The following DPH7 variants were observed in gnomAD, a reference collection of about 807,000 sequenced individuals.
DPH7 encodes the protein diphthine methyltransferase.
In DPH7, 44 loss-of-function variants were observed where a neutral mutation model predicts 41.7. That is an observed-to-expected ratio of 1.05 (90% CI 0.83 to 1.36). DPH7 has a LOEUF of 1.36. DPH7 is among the 40% of genes most tolerant of loss of function. The pLI is 0.00. For synonymous variants in DPH7, 275 were observed against 238.0 expected (o/e 1.16, Z -1.43); for missense variants, 629 against 577.5 (o/e 1.09, Z -0.91).
At chr9:137,574,128 G>A in intron 5 of DPH7, 80 bp downstream of exon 5, 2 of 1,432,274 alleles carry the variant, frequency 1.4e-6, no homozygotes, top group Non-Finnish European at 9.6e-7. Flanking sequence ...AATCACAGCT[G>A]TGGCACAGGC....
chr9:137,578,486 G>T, intron 1 of DPH7, 139 bp downstream of exon 1: 1 of 1,075,762 alleles, frequency 9.3e-7, no homozygotes, highest in Non-Finnish European at 1.2e-6. Flanking sequence ...TTTTTAAAAA[G>T]ATTCTAAACT....
intron 4 of DPH7, 29 bp downstream of exon 4, chr9:137,574,723 C>T: frequency 6.2e-7 from 1 of 1,606,782 alleles, no homozygotes; most frequent in Non-Finnish European, 8.5e-7. Flanking sequence ...GAGAAAGACT[C>T]AGGACCCCTG....
At chr9:137,564,806 G>T in intron 7 of DPH7, 87 bp downstream of exon 7, 1 of 1,483,548 alleles carries the variant, frequency 6.7e-7, no homozygotes, top group Non-Finnish European at 9.2e-7. Flanking sequence ...CAGGAGGAAA[G>T]GCAGCGAAAG....
rs1342298972 is a variant in DPH7, at chr9:137,556,920, G to A, written c.950-1272C>T. 2.2e-6 allele frequency: 1 copy of A among 455,930 alleles called. No individual in the cohort carries two copies. The highest frequency in any genetic ancestry group is 2.0e-5 in the African/African-American group (1 of 49,980). 28.2% of individuals were successfully genotyped at this position (455,930 alleles called of 1,614,324 possible). On this transcript the variant is annotated intron_variant, in intron 8 of 8. Transcript: ENST00000277540. This position sits in a 1 kb window ranked among gnomAD's most constrained non-coding sequence, Gnocchi z 5.2. ...AAGACACTGTTGCGACCCCAAGAAT[G>A]GGAGGCCCTTTCTGATTAGCCACAG... is the stretch of plus-strand genomic sequence containing the variant.
chr9:137,555,069 G>A lies in DPH7; in HGVS notation c.*170C>T. ...CCAGTCCACTTTCAGGGGCCCAGCA[G>A]GGAAGCTGATTTAAGAGAAGTCAAC... On this transcript the variant is annotated 3_prime_UTR_variant, in exon 9 of 9. Coordinates refer to ENST00000277540, the MANE Select transcript of DPH7 (RefSeq NM_138778.5). 1.3e-6 allele frequency: 1 copy of A among 779,622 alleles called. No homozygotes were observed. The highest frequency in any genetic ancestry group is 1.9e-6 in the Non-Finnish European group (1 of 538,762). The allele number at this position is 779,622 out of a possible 1,614,324, so 48.3% of individuals were successfully genotyped here.
At chr9:137,565,181 A>C in intron 5 of DPH7, 27 bp from the exon 6 acceptor site, 1 of 1,610,786 alleles carries the variant, frequency 6.2e-7, no homozygotes, top group Non-Finnish European at 8.5e-7. Context: ...AAGCATCAAC[A>C]CCACTAATGA....
intron 8 of DPH7, 85 bp downstream of exon 8, chr9:137,564,349 G>A: frequency 3.4e-6 from 5 of 1,490,508 alleles, no homozygotes; most frequent in Non-Finnish European, 4.5e-6. Flanking sequence ...AGGGAGCAGG[G>A]AGCTGAGGGA....
intron 8 of DPH7, 48 bp downstream of exon 8, chr9:137,564,386 G>A (rs1839173186): frequency 4.4e-6 from 7 of 1,580,776 alleles, no homozygotes; most frequent in Non-Finnish European, 6.0e-6. Flanking sequence ...AGGGGGCAGG[G>A]AACTGGTGCC....
Position 137,554,992 on chromosome 9 carries a change from T to A in DPH7, c.*247A>T. 1 of 408,734 alleles carries A rather than the reference T, an allele frequency of 2.4e-6. No individual in the cohort carries two copies. 25.3% of individuals were successfully genotyped at this position (408,734 alleles called of 1,614,324 possible). On this transcript the variant is annotated 3_prime_UTR_variant, in exon 9 of 9. Transcript: ENST00000277540. Reference sequence around the variant, plus strand: ...AAATCTGCCTGAGAAACTTAACAAATCTGCAAGCTGGAAACCGCGTCTTTT... The same window carrying A: ...AAATCTGCCTGAGAAACTTAACAAAACTGCAAGCTGGAAACCGCGTCTTTT...
At position 137,555,043 on chromosome 9, in the gene DPH7, C is replaced by T. The variant is rs1389963671; in HGVS notation, c.*196G>A. 9 of 577,646 alleles carry T rather than the reference C, an allele frequency of 1.6e-5. No homozygotes were observed. The highest frequency in any genetic ancestry group is 2.2e-5 in the Non-Finnish European group (8 of 366,588). The allele number at this position is 577,646 out of a possible 1,614,324, so 35.8% of individuals were successfully genotyped here. On this transcript the variant is annotated 3_prime_UTR_variant, in exon 9 of 9. Coordinates refer to ENST00000277540, the MANE Select transcript of DPH7 (RefSeq NM_138778.5). ...CCCCACTCTCTGCCAGACAGAATCA[C>T]CCAGTCCACTTTCAGGGGCCCAGCA...
intron 8 of DPH7, among the ~76,000 whole-genome samples, chr9:137,562,849 C>T (rs1262173711): frequency 1.3e-5 from 2 of 152,188 alleles, no homozygotes; most frequent in African/African-American, 4.8e-5. Flanking sequence ...AGCCTGTGAT[C>T]CCAGCTACTC....
chr9:137,563,187 A>G (rs1402428445), intron 8 of DPH7, among the ~76,000 whole-genome samples: 1 of 151,980 alleles, frequency 6.6e-6, no homozygotes, highest in South Asian at 2.1e-4. Flanking sequence ...GCACATTCAC[A>G]GAACTAACAG....
chr9:137,556,875 G>A lies in DPH7; in HGVS notation c.950-1227C>T, dbSNP rs558930017. On this transcript the variant is annotated intron_variant, in intron 8 of 8. Transcript: ENST00000277540. The surrounding 1 kb of genome is among the most constrained non-coding windows in gnomAD (Gnocchi z 5.2). The stretch of plus-strand genomic sequence containing the variant: ...TCAGAGAGCCACAGCCTGGGAAAAA[G>A]ACAGCGAATGAGTGGACGGAAGACA... 2.0e-4 allele frequency: 92 copies of A among 456,664 alleles called. No homozygotes were observed. The highest frequency in any genetic ancestry group is 1.7e-3 in the African/African-American group (84 of 50,206). 28.3% of individuals were successfully genotyped at this position (456,664 alleles called of 1,614,324 possible).
At chr9:137,563,661 G>C (rs937124314) in intron 8 of DPH7, among the ~76,000 whole-genome samples, 4 of 152,206 alleles carry the variant, frequency 2.6e-5, no homozygotes, top group Admixed American at 1.3e-4. Flanking sequence ...AGAGGGCAGA[G>C]AGCATGTGGG....
chr9:137,561,468 G>A (rs191327347), intron 8 of DPH7, among the ~76,000 whole-genome samples: 18 of 149,390 alleles, frequency 1.2e-4, no homozygotes, highest in Middle Eastern at 3.4e-3. Context: ...GCGTGAACCC[G>A]GAAGGTGGAG....
At chr9:137,560,169 C>A (rs1367689491) in intron 8 of DPH7, among the ~76,000 whole-genome samples, 1 of 152,134 alleles carries the variant, frequency 6.6e-6, no homozygotes. Context: ...GCAAGTTCTC[C>A]TTCAATTATC....
At chr9:137,558,490 T>C (rs553951663) in intron 8 of DPH7, among the ~76,000 whole-genome samples, 1 of 152,332 alleles carries the variant, frequency 6.6e-6, no homozygotes, top group African/African-American at 2.4e-5. Flanking sequence ...GGTCCATCAT[T>C]ACCTTCTTAA....
At position 137,578,849 on chromosome 9, in the gene DPH7, G is replaced by A; in HGVS notation, c.-72C>T. The A allele has an allele frequency of 7.6e-7, 1 of 1,322,626 alleles. No homozygotes were observed. Among genetic ancestry groups the A allele is most frequent in the Non-Finnish European group, 9.7e-7 (1 of 1,030,814 alleles). The allele number at this position is 1,322,626 out of a possible 1,614,324, so 81.9% of individuals were successfully genotyped here. On this transcript the variant is annotated 5_prime_UTR_variant, in exon 1 of 9. Transcript: ENST00000277540. Reference sequence around the variant, plus strand: ...CGGGGCCGGGCTGGGTACTGCGCGGGGCGGCGAGGCCGGGGCCGGCCGGAC... The same window carrying A: ...CGGGGCCGGGCTGGGTACTGCGCGGAGCGGCGAGGCCGGGGCCGGCCGGAC...
intron 8 of DPH7, among the ~76,000 whole-genome samples, chr9:137,559,206 T>G (rs1043746197): frequency 6.6e-6 from 1 of 152,052 alleles, no homozygotes; most frequent in African/African-American, 2.4e-5. Flanking sequence ...CATACAGAGA[T>G]AGGAGCTGAG....
Sources: gnomAD v4.1 joint callset for allele counts (sites outside exome capture counted in the v4.1 genomes callset) on GRCh38, gnomAD v4.1.1 for gene constraint, Gnocchi (gnomAD v3.1) non-coding constraint, MANE v1.5 for transcripts, NCBI Gene and HGNC (gene_info 2026-07-23, HGNC 2026-07-21) for gene names.